The following TTC21A variants were observed in gnomAD, a reference collection of about 807,000 sequenced individuals.
The protein encoded by TTC21A is tetratricopeptide repeat domain 21A, also known as tetratricopeptide repeat protein 21A.
A neutral mutation model predicts 156.4 loss-of-function variants in TTC21A; 128 were observed. That is an observed-to-expected ratio of 0.82 (90% CI 0.71 to 0.95). The LOEUF is 0.95. TTC21A is among the 40% of genes least tolerant of loss of function. TTC21A has a pLI of 0.00. For synonymous variants in TTC21A, 587 were observed against 617.1 expected (o/e 0.95, Z 0.72); for missense variants, 1,435 against 1,602.3 (o/e 0.90, Z 1.78).
chr3:39,111,144 C>A, intron 4 of TTC21A, 127 bp downstream of exon 4: 1 of 1,011,718 alleles, frequency 9.9e-7, no homozygotes, highest in Non-Finnish European at 1.4e-6. Context: ...ACTGGCAAAA[C>A]ACCGGGTCTC....
chr3:39,126,505 C>T (rs908080812), intron 12 of TTC21A, 115 bp downstream of exon 12: 7 of 1,012,222 alleles, frequency 6.9e-6, no homozygotes, highest in Non-Finnish European at 1.0e-5. Flanking sequence ...CACACACACA[C>T]ACACACACAC....
At chr3:39,132,757 GT>G in intron 19 of TTC21A, 1 of 462,358 alleles carries the variant, frequency 2.2e-6, no homozygotes, top group Non-Finnish European at 3.9e-6. Flanking sequence ...CTGTAGTGCA[GT>G]GAAGCGAATT....
At chr3:39,108,972 G>C in intron 1 of TTC21A, 113 bp from the exon 2 acceptor site, 2 of 1,218,566 alleles carry the variant, frequency 1.6e-6, no homozygotes, top group Admixed American at 2.1e-5. Context: ...TCTTCCCTTT[G>C]CAGAACTGAG....
At position 39,137,022 on chromosome 3, in the gene TTC21A, G is replaced by A; in HGVS notation, c.3219G>A (p.Val1073=). Residue 1073 remains valine, a synonymous_variant, in exon 24 of 29, where the codon GTG becomes GTA. Coordinates refer to ENST00000683103, the MANE Select transcript of TTC21A (RefSeq NM_001366900.1). ...GTCTGAATCCAGACAACGAGGTTGT[G>A]GGCGGAGAGGCTTTTGAGAACCAGG... ...QICLNPDNEV[V]GGEAFENQGA... is the part of the protein sequence containing the mutation. 6.2e-7 allele frequency: 1 copy of A among 1,613,984 alleles called. No individual in the cohort carries two copies. Among genetic ancestry groups the A allele is most frequent in the Non-Finnish European group, 8.5e-7 (1 of 1,179,986 alleles).
chr3:39,126,072 A>G (rs1451908757), intron 11 of TTC21A, among the ~76,000 whole-genome samples, 189 bp from the exon 12 acceptor site: 1 of 152,204 alleles, frequency 6.6e-6, no homozygotes, highest in Non-Finnish European at 1.5e-5. Context: ...GGTACTGGGG[A>G]CACAACAGTG....
chr3:39,136,069 A>G (rs2125866385), intron 22 of TTC21A: 1 of 195,916 alleles, frequency 5.1e-6, no homozygotes, highest in East Asian at 1.3e-4. Flanking sequence ...AAAAAAAAAA[A>G]AAAGATTAGG....
intron 28 of TTC21A, 38 bp from the exon 29 acceptor site, chr3:39,138,673 C>T (rs200116530): frequency 5.0e-5 from 81 of 1,613,742 alleles, no homozygotes; most frequent in Non-Finnish European, 6.5e-5. Flanking sequence ...GTGGGGAAAC[C>T]TGCATGATAC....
Position 39,110,895 on chromosome 3 carries a change from C to A in TTC21A, c.313C>A (p.Arg105Ser), listed in dbSNP as rs575796642. 1.2e-6 allele frequency: 2 copies of A among 1,613,880 alleles called. No individual in the cohort carries two copies. The highest frequency in any genetic ancestry group is 1.3e-5 in the African/African-American group (1 of 74,918). Residue 105 changes from arginine (R) to serine (S), a missense_variant, in exon 4 of 29, where the codon CGC (arginine) becomes AGC (serine). By Grantham distance (110) the Arg-to-Ser change is moderately radical. Transcript: ENST00000683103. ...GCTTGAGTACAGCCTGAAGGAAATA[C>A]GCAAGACAGTCAGTGGGACTGCACT... ...QELEYSLKEI[R>S]KTVSGTALYY...
At chr3:39,110,218 A>G in intron 3 of TTC21A, 79 bp downstream of exon 3, 2 of 1,096,764 alleles carry the variant, frequency 1.8e-6, no homozygotes, top group Non-Finnish European at 1.4e-6. Flanking sequence ...CAGCCCCTCA[A>G]GGGCTGCCAA....
rs754784872 is a variant in TTC21A at position 39,133,085 on chromosome 3, G to A, written c.2596G>A (p.Val866Ile). ...CCTCCAGTCTCGGATACTGAAGCGA[G>A]TTCCACTGGAGCAACCAGAAATGAT... is the stretch of plus-strand genomic sequence containing the variant. ...LDLQSRILKR[V>I]PLEQPEMIPS... Residue 866 changes from valine (V) to isoleucine (I), a missense_variant, in exon 20 of 29, where the codon GTT becomes ATT. Val to Ile is a conservative substitution (Grantham distance 29). Transcript: ENST00000683103. 13 of 1,614,244 alleles carry A rather than the reference G, an allele frequency of 8.1e-6. No individual in the cohort carries two copies. The highest frequency in any genetic ancestry group is 1.1e-5 in the Non-Finnish European group (13 of 1,180,052).
intron 9 of TTC21A, among the ~76,000 whole-genome samples, chr3:39,124,772 G>C (rs1324951870): frequency 2.6e-5 from 4 of 151,856 alleles, no homozygotes; most frequent in Non-Finnish European, 5.9e-5. Context: ...ATATGTCTGA[G>C]GTGTCTATAT....
At chr3:39,131,340 C>CA (rs1269624424) in intron 19 of TTC21A, among the ~76,000 whole-genome samples, 1 of 152,212 alleles carries the variant, frequency 6.6e-6, no homozygotes, top group African/African-American at 2.4e-5. Flanking sequence ...CCTTTGTCCT[C>CA]AAGGGTGATA....
chr3:39,122,493 G>A (rs1348703434), intron 9 of TTC21A, among the ~76,000 whole-genome samples: 1 of 152,210 alleles, frequency 6.6e-6, no homozygotes, highest in Non-Finnish European at 1.5e-5. Flanking sequence ...TAGTAGACCA[G>A]CTTTCCCCAA....
chr3:39,124,712 T>G (rs1435070687), intron 9 of TTC21A, among the ~76,000 whole-genome samples: 1 of 151,318 alleles, frequency 6.6e-6, no homozygotes, highest in African/African-American at 2.4e-5. Flanking sequence ...TTGATTCCCT[T>G]TGTGTATGTG....
chr3:39,126,543 GCACACA>G (rs199608452), intron 12 of TTC21A, among the ~76,000 whole-genome samples, 153 bp downstream of exon 12: 1 of 94,612 alleles, frequency 1.1e-5, no homozygotes, highest in African/African-American at 4.2e-5. Context: ...GGGGTACTAC[GCACACA>G]CACACACACA....
At chr3:39,111,854 G>A (rs2036857216) in intron 4 of TTC21A, among the ~76,000 whole-genome samples, 1 of 152,174 alleles carries the variant, frequency 6.6e-6, no homozygotes, top group Admixed American at 6.5e-5. Flanking sequence ...GCCATCAAGA[G>A]GGGTGCTTTA....
Position 39,128,815 on chromosome 3 carries a change from A to G in TTC21A, c.1779A>G (p.Lys593=). 6.2e-7 allele frequency: 1 copy of G among 1,614,164 alleles called. No individual in the cohort carries two copies. The highest frequency in any genetic ancestry group is 8.5e-7 in the Non-Finnish European group (1 of 1,180,034). Residue 593 remains lysine, a synonymous_variant, in exon 14 of 29, where the codon AAA becomes AAG. Coordinates refer to ENST00000683103, the MANE Select transcript of TTC21A (RefSeq NM_001366900.1). ...EAIKTLKMVI[K]LPALKKEEGR... ...TAAAGACGCTGAAAATGGTCATCAA[A>G]TTGCCAGCTCTGAAGAAGGAAGAAG...
Position 39,130,665 on chromosome 3 carries a change from C to G in TTC21A, c.2320-36C>G. 4 of 1,609,832 alleles carry G rather than the reference C, an allele frequency of 2.5e-6. No homozygotes were observed. The highest frequency in any genetic ancestry group is 3.4e-6 in the Non-Finnish European group (4 of 1,176,988). ...TGGTGTCGGGCACTGAAGGGCAGAA[C>G]CAGGCCAGAGGCTAATATTTACTGT... On this transcript the variant is annotated intron_variant, in intron 17 of 28. Coordinates refer to ENST00000683103, the MANE Select transcript of TTC21A (RefSeq NM_001366900.1). The surrounding 1 kb of genome is among the most constrained non-coding windows in gnomAD (Gnocchi z 4.5).
rs1474978975 is a variant in TTC21A at position 39,133,069 on chromosome 3, T to C, written c.2580T>C (p.Ser860=). The change falls in exon 20 of 29, where the codon TCT becomes TCC. Residue 860 remains serine, a synonymous_variant. Coordinates refer to ENST00000683103, the MANE Select transcript of TTC21A (RefSeq NM_001366900.1). ...TTCTCGAGGCCTTGGACCTCCAGTCTCGGATACTGAAGCGAGTTCCACTGG... is the reference window on the plus strand; with the variant it reads ...TTCTCGAGGCCTTGGACCTCCAGTCCCGGATACTGAAGCGAGTTCCACTGG... ...ETLNKALDLQ[S]RILKRVPLEQ... 6.2e-7 allele frequency: 1 copy of C among 1,614,216 alleles called. No individual in the cohort carries two copies. The highest frequency in any genetic ancestry group is 1.7e-5 in the Admixed American group (1 of 60,028).
Sources: gnomAD v4.1 joint callset for allele counts (sites outside exome capture counted in the v4.1 genomes callset) on GRCh38, gnomAD v4.1.1 for gene constraint, Gnocchi (gnomAD v3.1) non-coding constraint, MANE v1.5 for transcripts, NCBI Gene and HGNC (gene_info 2026-07-23, HGNC 2026-07-21) for gene names.